The following GTF2F2 variants were observed in gnomAD, a reference collection of about 807,000 sequenced individuals.
GTF2F2 encodes general transcription factor IIF subunit 2, also known as ATP-dependent helicase GTF2F2.
GTF2F2 carries 23 observed loss-of-function variants against 42.2 expected under a neutral mutation model. The observed-to-expected ratio is 0.55, with a 90% CI of 0.39 to 0.77. The LOEUF (loss-of-function observed/expected upper bound fraction) is 0.77, where lower values mean the gene tolerates loss of function less well. GTF2F2 is among the 30% of genes least tolerant of loss of function. GTF2F2 has a pLI of 0.00. For missense variants in GTF2F2, 261 were observed against 287.2 expected, an observed-to-expected ratio of 0.91 and a Z score of 0.66; for synonymous variants, 105 against 100.8, an observed-to-expected ratio of 1.04 and a Z score of -0.25.
chr13:45,167,339 C>A lies in GTF2F2; in HGVS notation c.304+15508C>A, dbSNP rs939702370. On this transcript the variant is annotated intron_variant, in intron 4 of 7. Transcript: ENST00000340473. ...AACCCCCGCCTCCCTGCCTCAGCCT[C>A]CCAAATAAATGTTACTTCAGACTCC... is the stretch of plus-strand genomic sequence containing the variant. Among the ~76,000 whole-genome samples the A allele has an allele frequency of 2.7e-5, 4 of 149,938 alleles. No homozygotes were observed. The Admixed American group carries it at 2.7e-4, about 10-fold the overall frequency.
chr13:45,221,847 A>C (rs113815944), intron 5 of GTF2F2, among the ~76,000 whole-genome samples: 4,063 of 152,088 alleles, frequency 0.027, 88 homozygotes, highest in Non-Finnish European at 0.041. Flanking sequence ...CAGCAGCCAT[A>C]GTTGCCACCT....
intron 4 of GTF2F2, among the ~76,000 whole-genome samples, chr13:45,167,233 T>A (rs1191093272): frequency 9.7e-6 from 1 of 102,992 alleles, no homozygotes; most frequent in Admixed American, 8.8e-5. Flanking sequence ...TATTTTACTA[T>A]TTTTTTTTTT....
chr13:45,162,524 G>A (rs1871088049), intron 4 of GTF2F2, among the ~76,000 whole-genome samples: 1 of 152,146 alleles, frequency 6.6e-6, no homozygotes, highest in Admixed American at 6.5e-5. Flanking sequence ...ATTTAGTTTT[G>A]TATTTTACTG....
chr13:45,186,866 T>A (rs1872448966), intron 4 of GTF2F2, among the ~76,000 whole-genome samples: 1 of 152,214 alleles, frequency 6.6e-6, no homozygotes, highest in African/African-American at 2.4e-5. Flanking sequence ...TCAAAACATA[T>A]GTGCTAAACA....
chr13:45,275,502 TC>T (rs759544359), intron 7 of GTF2F2, among the ~76,000 whole-genome samples: 61 of 132,970 alleles, frequency 4.6e-4, no homozygotes, highest in Non-Finnish European at 6.0e-4. Flanking sequence ...CCTTCCTGTG[TC>T]CAAGGGTTCT....
intron 6 of GTF2F2, among the ~76,000 whole-genome samples, chr13:45,265,493 A>G (rs147732480): frequency 1.3e-5 from 2 of 152,338 alleles, no homozygotes; most frequent in Admixed American, 6.5e-5. Flanking sequence ...AATGCCTAGC[A>G]TATAGTCATG....
intron 1 of GTF2F2, 48 bp downstream of exon 1, chr13:45,120,769 G>A (rs766692493): frequency 6.5e-6 from 9 of 1,378,028 alleles, no homozygotes; most frequent in Non-Finnish European, 9.1e-6. Flanking sequence ...CACAAGTATA[G>A]TTTAAGTAAC....
At chr13:45,129,994 T>C (rs917109446) in intron 1 of GTF2F2, among the ~76,000 whole-genome samples, 3 of 152,210 alleles carry the variant, frequency 2.0e-5, no homozygotes, top group Non-Finnish European at 4.4e-5. Context: ...AATGCGTCTT[T>C]AGATGGGACG....
At chr13:45,218,736 A>G (rs1237590726) in intron 5 of GTF2F2, among the ~76,000 whole-genome samples, 2 of 152,294 alleles carry the variant, frequency 1.3e-5, no homozygotes, top group East Asian at 3.9e-4. Context: ...TAGGGAATTG[A>G]ATTGATGGGG....
intron 4 of GTF2F2, among the ~76,000 whole-genome samples, chr13:45,172,024 G>A (rs578091168): frequency 1.1e-4 from 16 of 151,994 alleles, no homozygotes; most frequent in African/African-American, 2.9e-4. Flanking sequence ...GATTGTTTCC[G>A]TTTTTTTGGC....
intron 5 of GTF2F2, among the ~76,000 whole-genome samples, chr13:45,236,982 C>A (rs1435230733): frequency 6.6e-6 from 1 of 152,040 alleles, no homozygotes; most frequent in Non-Finnish European, 1.5e-5. Flanking sequence ...AGGAGATGTT[C>A]CAATGAAATG....
At chr13:45,267,673 A>G (rs531276241) in intron 7 of GTF2F2, among the ~76,000 whole-genome samples, 118 of 152,240 alleles carry the variant, frequency 7.8e-4, no homozygotes, top group Non-Finnish European at 1.4e-3. Flanking sequence ...TTGTTTCCCT[A>G]TCTTCCTCTG....
intron 2 of GTF2F2, among the ~76,000 whole-genome samples, chr13:45,144,223 A>C (rs1870076857): frequency 6.6e-6 from 1 of 152,066 alleles, no homozygotes; most frequent in African/African-American, 2.4e-5. Flanking sequence ...ATTGCACTCC[A>C]GCTTGGTCAA....
rs187531333 is a variant in GTF2F2 at position 45,186,537 on chromosome 13, C to T, written c.305-20887C>T. Among the ~76,000 whole-genome samples, 14 of 151,830 alleles carry T rather than the reference C, an allele frequency of 9.2e-5. No individual in the cohort carries two copies. In the East Asian group the frequency reaches 2.5e-3, roughly 27 times the overall value. On this transcript the variant is annotated intron_variant, in intron 4 of 7. Coordinates refer to ENST00000340473, the MANE Select transcript of GTF2F2 (RefSeq NM_004128.3). The stretch of plus-strand genomic sequence containing the variant: ...CGAACTCCTGACCTGGTGATTCACC[C>T]GCCTCAGCCTCCCAAAGTGCTGGGA...
intron 2 of GTF2F2, among the ~76,000 whole-genome samples, chr13:45,146,279 T>C (rs1870189859): frequency 6.6e-6 from 1 of 152,106 alleles, no homozygotes; most frequent in African/African-American, 2.4e-5. Context: ...GAGGATCACT[T>C]GAGTCTAGGA....
chr13:45,145,097 A>G (rs895254685), intron 2 of GTF2F2, among the ~76,000 whole-genome samples: 6 of 148,302 alleles, frequency 4.0e-5, no homozygotes, highest in Non-Finnish European at 3.0e-5. Context: ...GACTGGGATA[A>G]TGAGAAAGCT....
intron 4 of GTF2F2, among the ~76,000 whole-genome samples, chr13:45,181,936 A>G (rs1872183006): frequency 1.3e-5 from 2 of 152,102 alleles, no homozygotes; most frequent in Non-Finnish European, 2.9e-5. Context: ...GTCTACCACA[A>G]GCTTATTAAT....
chr13:45,214,968 T>TAA (rs1873828858), intron 5 of GTF2F2, among the ~76,000 whole-genome samples: 1 of 150,334 alleles, frequency 6.7e-6, no homozygotes, highest in African/African-American at 2.5e-5. Context: ...TTCCAGTGTT[T>TAA]GTGGATTTTT....
intron 4 of GTF2F2, among the ~76,000 whole-genome samples, chr13:45,189,281 A>G (rs1435278698): frequency 2.0e-5 from 3 of 151,866 alleles, no homozygotes; most frequent in Admixed American, 1.3e-4. Context: ...TATGTGCCAC[A>G]TTTTCTTTAT....
Sources: allele counts gnomAD v4.1 joint callset (sites outside exome capture counted in the v4.1 genomes callset), GRCh38; gene constraint gnomAD v4.1.1; transcripts MANE v1.5; gene names NCBI Gene and HGNC (gene_info 2026-07-23, HGNC 2026-07-21).